STMND1: variants seen among roughly 807,000 people sequenced by gnomAD.
STMND1 encodes stathmin domain-containing protein 1.
Under a neutral mutation model 23.0 loss-of-function variants are expected in STMND1, and 17 were observed. That is an observed-to-expected ratio of 0.74 (90% CI 0.51 to 1.11). The LOEUF is 1.11. STMND1 is among the 50% of genes least tolerant of loss of function. The pLI is 0.00. For missense variants in STMND1, 305 were observed against 329.1 expected, an observed-to-expected ratio of 0.93 and a Z score of 0.57; for synonymous variants, 114 against 119.9, an observed-to-expected ratio of 0.95 and a Z score of 0.32.
intron 1 of STMND1, among the ~76,000 whole-genome samples, chr6:17,114,232 A>C (rs757148654): frequency 1.3e-5 from 2 of 152,064 alleles, no homozygotes; most frequent in African/African-American, 2.4e-5. Context: ...GGGGTGATGG[A>C]AAACAGTGAC....
chr6:17,106,017 T>C (rs1761019560), intron 1 of STMND1, among the ~76,000 whole-genome samples: 1 of 152,176 alleles, frequency 6.6e-6, no homozygotes, highest in South Asian at 2.1e-4. Flanking sequence ...TCCAGTCTTG[T>C]CTCTCCCCAC....
In STMND1 at chr6:17,130,849, T is replaced by A. The variant is rs1355530713; in HGVS notation, c.799T>A (p.Ser267Thr). 6.5e-7 allele frequency: 1 copy of A among 1,532,772 alleles called. No homozygotes were observed. Among genetic ancestry groups the A allele is most frequent in the African/African-American group, 1.4e-5 (1 of 72,968 alleles). The allele number at this position is 1,532,772 out of a possible 1,614,324, so 94.9% of individuals were successfully genotyped here. Residue 267 changes from serine to threonine, a missense_variant, in exon 5 of 5, where the codon TCC becomes ACC. Ser to Thr is a moderately conservative substitution (Grantham distance 58, BLOSUM62 1). Transcript: ENST00000536551. ...TTTTGGGGTCGTGGAGTCAGACATG[T>A]CCTACAACCAAGCAGATGACATAGT... ...ESFGVVESDM[S>T]YNQADDIVY is the part of the protein sequence containing the mutation.
chr6:17,103,552 T>TA (rs1480831962), intron 1 of STMND1, among the ~76,000 whole-genome samples: 1 of 147,556 alleles, frequency 6.8e-6, no homozygotes, highest in African/African-American at 2.5e-5. Context: ...TGTCTCTGTA[T>TA]AGGGACCCAT....
intron 3 of STMND1, among the ~76,000 whole-genome samples, chr6:17,121,038 G>A (rs1476168498): frequency 1.3e-5 from 2 of 152,166 alleles, no homozygotes; most frequent in African/African-American, 2.4e-5. Flanking sequence ...TTTCCCCTAT[G>A]CTGTTCACAT....
chr6:17,103,922 C>A (rs1238259318), intron 1 of STMND1, among the ~76,000 whole-genome samples: 1 of 152,144 alleles, frequency 6.6e-6, no homozygotes, highest in Admixed American at 6.5e-5. Flanking sequence ...AGGATCCTAA[C>A]AAGTTTCTCC....
chr6:17,116,080 A>G (rs896624188), intron 2 of STMND1, among the ~76,000 whole-genome samples: 1 of 152,182 alleles, frequency 6.6e-6, no homozygotes, highest in Admixed American at 6.5e-5. Flanking sequence ...ACTTCCCTCT[A>G]GACAGCAACA....
chr6:17,123,455 C>T (rs1349934588), intron 3 of STMND1, among the ~76,000 whole-genome samples: 2 of 152,104 alleles, frequency 1.3e-5, no homozygotes, highest in East Asian at 1.9e-4. Flanking sequence ...CTTGTTTCAT[C>T]GCCTAATCCA....
chr6:17,123,374 C>T (rs1286589466), intron 3 of STMND1, among the ~76,000 whole-genome samples: 1 of 152,092 alleles, frequency 6.6e-6, no homozygotes, highest in Non-Finnish European at 1.5e-5. Flanking sequence ...GTTTTTTTGG[C>T]TTTGGTATTA....
chr6:17,109,159 T>G (rs1008984801), intron 1 of STMND1, among the ~76,000 whole-genome samples: 2 of 152,162 alleles, frequency 1.3e-5, no homozygotes, highest in Admixed American at 6.6e-5. Flanking sequence ...CATCGTTGCT[T>G]TTAGGCTTTC....
intron 2 of STMND1, among the ~76,000 whole-genome samples, chr6:17,115,622 A>T (rs1288642830): frequency 6.6e-6 from 1 of 152,156 alleles, no homozygotes; most frequent in Non-Finnish European, 1.5e-5. Context: ...GGTAGTTATG[A>T]TTTACTTGTG....
chr6:17,122,499 T>C (rs1761247470), intron 3 of STMND1, among the ~76,000 whole-genome samples: 2 of 152,206 alleles, frequency 1.3e-5, no homozygotes, highest in African/African-American at 4.8e-5. Flanking sequence ...AAACTCATTA[T>C]TTAAATCAAA....
chr6:17,130,144 G>A (rs951827350), intron 4 of STMND1, among the ~76,000 whole-genome samples: 3 of 152,164 alleles, frequency 2.0e-5, no homozygotes, highest in African/African-American at 7.2e-5. Flanking sequence ...TCCAGTTCTT[G>A]GAATTAAATG....
chr6:17,114,301 G>C (rs1476985873), intron 1 of STMND1, among the ~76,000 whole-genome samples: 1 of 145,344 alleles, frequency 6.9e-6, no homozygotes, highest in Admixed American at 7.0e-5. Context: ...TTTCACCCTT[G>C]TGGCACAAGC....
At position 17,120,714 on chromosome 6, in the gene STMND1, A is replaced by T; in HGVS notation, c.367A>T (p.Ser123Cys). 1.3e-6 allele frequency: 2 copies of T among 1,535,132 alleles called. No homozygotes were observed. Among genetic ancestry groups the T allele is most frequent in the Non-Finnish European group, 1.7e-6 (2 of 1,146,520 alleles). The change falls in exon 3 of 5, where the codon AGC becomes TGC. Residue 123 changes from serine (S) to cysteine (C), a missense_variant. By Grantham distance (112) the Ser-to-Cys change is moderately radical. Coordinates refer to ENST00000536551, the MANE Select transcript of STMND1 (RefSeq NM_001190766.2). ...EELIVQGIIQSHSKVFRNGES... is the reference protein window; with the variant it reads ...EELIVQGIIQCHSKVFRNGES... ...ACTAATTGTTCAAGGAATTATACAA[A>T]GCCACAGCAAAGTATTTAGAAATGG... is the stretch of plus-strand genomic sequence containing the variant.
At position 17,120,699 on chromosome 6, in the gene STMND1, C is replaced by T. The variant is rs538279485; in HGVS notation, c.352C>T (p.Gln118Ter). 18 of 1,535,088 alleles carry T rather than the reference C, an allele frequency of 1.2e-5. No individual in the cohort carries two copies. The highest frequency in any genetic ancestry group is 7.9e-5 in the Admixed American group (4 of 50,930). ...AGATATCCTGGAGGAACTAATTGTT[C>T]AAGGAATTATACAAAGCCACAGCAA... ...SSDILEELIVQGIIQSHSKVF... is the reference protein window; with the variant it reads ...SSDILEELIV The change falls in exon 3 of 5, where the codon CAA becomes TAA. Residue 118 changes from glutamine to a stop codon, truncating the protein, a stop_gained. Coordinates refer to ENST00000536551, the MANE Select transcript of STMND1 (RefSeq NM_001190766.2). LOFTEE classifies it high-confidence loss of function.
chr6:17,102,324 A>G lies in STMND1; in HGVS notation c.67A>G (p.Lys23Glu), dbSNP rs1294699506. Residue 23 changes from lysine (K) to glutamate (E), a missense_variant, in exon 1 of 5, where the codon AAA becomes GAA. Lys to Glu is a moderately conservative substitution (Grantham distance 56). Transcript: ENST00000536551. ...RRVRAPKKGWKEEFKADVSVP... is the reference protein window; with the variant it reads ...RRVRAPKKGWEEEFKADVSVP... ...TGTACGCGCGCCCAAGAAGGGCTGGAAAGAGGAATTCAAGGTAATAAACAA... is the reference window on the plus strand; with the variant it reads ...TGTACGCGCGCCCAAGAAGGGCTGGGAAGAGGAATTCAAGGTAATAAACAA... 1 of 1,535,904 alleles carries G rather than the reference A, an allele frequency of 6.5e-7. No individual in the cohort carries two copies. The highest frequency in any genetic ancestry group is 2.0e-5 in the Admixed American group (1 of 50,980).
intron 4 of STMND1, among the ~76,000 whole-genome samples, chr6:17,129,846 A>G (rs1263850026): frequency 6.6e-6 from 1 of 151,640 alleles, no homozygotes; most frequent in Non-Finnish European, 1.5e-5. Flanking sequence ...CCCGTCTCCA[A>G]AAAAAAGAAA....
At chr6:17,111,781 A>T (rs998460959) in intron 1 of STMND1, among the ~76,000 whole-genome samples, 1 of 152,204 alleles carries the variant, frequency 6.6e-6, no homozygotes, top group African/African-American at 2.4e-5. Flanking sequence ...GGTAAATTTT[A>T]AAATACAGAA....
chr6:17,121,839 C>G (rs1354788190), intron 3 of STMND1, among the ~76,000 whole-genome samples: 1 of 151,428 alleles, frequency 6.6e-6, no homozygotes, highest in African/African-American at 2.4e-5. Context: ...TTTTAACTAG[C>G]TTGGCTAAAG....
Sources: gnomAD v4.1 joint callset for allele counts (sites outside exome capture counted in the v4.1 genomes callset) on GRCh38, gnomAD v4.1.1 for gene constraint, MANE v1.5 for transcripts, NCBI Gene and HGNC (gene_info 2026-07-23, HGNC 2026-07-21) for gene names.